DPYD: variants seen among roughly 807,000 people sequenced by gnomAD.
DPYD encodes dihydropyrimidine dehydrogenase, also known as dihydropyrimidine dehydrogenase [NADP(+)].
DPYD carries 109 observed loss-of-function variants against 116.2 expected under a neutral mutation model. That is an observed-to-expected ratio of 0.94 (90% CI 0.80 to 1.10). The LOEUF is 1.10. Ranked by LOEUF, DPYD falls within the 50% of genes least tolerant of loss-of-function variation. The probability of loss-of-function intolerance (pLI) is 0.00; values close to 1 mark genes in which losing one functional copy is unlikely to be tolerated. For synonymous variants in DPYD, 440 were observed against 432.0 expected, an observed-to-expected ratio of 1.02 and a Z score of -0.23; for missense variants, 1,302 against 1,254.5, an observed-to-expected ratio of 1.04 and a Z score of -0.57.
chr1:97,572,869 T>C (rs1442342517), intron 11 of DPYD, among the ~76,000 whole-genome samples: 1 of 152,050 alleles, frequency 6.6e-6, no homozygotes, highest in African/African-American at 2.4e-5. Context: ...TTTTCATGTA[T>C]ATATCTCTTC....
At chr1:97,914,877 C>T (rs1674139568) in intron 1 of DPYD, among the ~76,000 whole-genome samples, 1 of 152,068 alleles carries the variant, frequency 6.6e-6, no homozygotes, top group Admixed American at 6.5e-5. Flanking sequence ...CTATAATGCA[C>T]CTCTTTCATA....
intron 18 of DPYD, among the ~76,000 whole-genome samples, chr1:97,238,649 T>A (rs1317199310): frequency 6.6e-6 from 1 of 152,164 alleles, no homozygotes; most frequent in Non-Finnish European, 1.5e-5. Context: ...ATTATCGAGA[T>A]AAAGGTCTTT....
chr1:97,260,413 T>C (rs1663800356), intron 18 of DPYD, among the ~76,000 whole-genome samples: 1 of 152,026 alleles, frequency 6.6e-6, no homozygotes, highest in African/African-American at 2.4e-5. Context: ...AATATAGAGA[T>C]ATAGCCAAAA....
chr1:97,471,999 C>T lies in DPYD; in HGVS notation c.1741-21776G>A, dbSNP rs191724854. ...AGAGACAGGTTTAGAGACTTAAAGACAGGTCATATGAGAAACAGTTAAAAG... is the reference window on the plus strand; with the variant it reads ...AGAGACAGGTTTAGAGACTTAAAGATAGGTCATATGAGAAACAGTTAAAAG... On this transcript the variant is annotated intron_variant, in intron 13 of 22. Transcript: ENST00000370192. Among the ~76,000 whole-genome samples, 9 of 152,250 alleles carry T rather than the reference C, an allele frequency of 5.9e-5. No individual in the cohort carries two copies. The East Asian group carries it at 1.5e-3, about 26-fold the overall frequency.
At chr1:97,573,627 G>A in intron 11 of DPYD, 133 bp downstream of exon 11, 3 of 1,054,184 alleles carry the variant, frequency 2.8e-6, no homozygotes, top group Non-Finnish European at 1.4e-6. Flanking sequence ...TTTGAATCAA[G>A]ATTGCTTTTA....
chr1:97,096,682 G>A (rs1650271112), intron 21 of DPYD, among the ~76,000 whole-genome samples: 2 of 152,020 alleles, frequency 1.3e-5, no homozygotes, highest in African/African-American at 4.8e-5. Context: ...GAATCAGCAG[G>A]GTCCTAAAAG....
At chr1:97,136,912 G>A (rs1267811778) in intron 20 of DPYD, among the ~76,000 whole-genome samples, 5 of 152,068 alleles carry the variant, frequency 3.3e-5, no homozygotes, top group East Asian at 3.9e-4. Context: ...AGAAAGAATC[G>A]TTAAAATGGA....
chr1:97,593,339 A>T lies in DPYD; in HGVS notation c.1007T>A (p.Ile336Asn), dbSNP rs756372042. 6.2e-7 allele frequency: 1 copy of T among 1,614,014 alleles called. No individual in the cohort carries two copies. The highest frequency in any genetic ancestry group is 8.5e-7 in the Non-Finnish European group (1 of 1,180,012). ...SPLPSIRGVV[I>N]VLGAGDTAFD... ...GGCAGTGTCTCCAGCTCCAAGTACA[A>T]TCACGACTCCCCGTATCGATGGCAA... is the stretch of plus-strand genomic sequence containing the variant. The change falls in exon 10 of 23, where the codon ATT (isoleucine) becomes AAT (asparagine). Residue 336 changes from isoleucine (I) to asparagine (N), a missense_variant. Coordinates refer to ENST00000370192, the MANE Select transcript of DPYD (RefSeq NM_000110.4).
At chr1:97,411,023 A>G (rs576349962) in intron 14 of DPYD, among the ~76,000 whole-genome samples, 2 of 152,264 alleles carry the variant, frequency 1.3e-5, no homozygotes, top group African/African-American at 4.8e-5. Flanking sequence ...TTGGGTGAGG[A>G]AAGAATGGAC....
intron 9 of DPYD, 29 bp downstream of exon 9, chr1:97,595,030 T>A: frequency 6.8e-7 from 1 of 1,476,634 alleles, no homozygotes; most frequent in East Asian, 2.3e-5. Flanking sequence ...GCATACTCAC[T>A]ATTAAGCATA....
chr1:97,245,689 C>A (rs973292405), intron 18 of DPYD, among the ~76,000 whole-genome samples: 2 of 152,086 alleles, frequency 1.3e-5, no homozygotes, highest in Non-Finnish European at 2.9e-5. Flanking sequence ...TCCAGGATAA[C>A]AAGTGGGCAT....
intron 20 of DPYD, among the ~76,000 whole-genome samples, chr1:97,158,898 C>T (rs1333835269): frequency 6.6e-6 from 1 of 152,078 alleles, no homozygotes; most frequent in African/African-American, 2.4e-5. Flanking sequence ...TTGCTAACTG[C>T]AGAAGGGGCA....
At chr1:97,646,163 T>C (rs1249998426) in intron 8 of DPYD, among the ~76,000 whole-genome samples, 3 of 152,086 alleles carry the variant, frequency 2.0e-5, no homozygotes, top group Non-Finnish European at 2.9e-5. Context: ...ACAAAAATAT[T>C]TTTTGTATTA....
intron 20 of DPYD, among the ~76,000 whole-genome samples, chr1:97,099,734 T>A (rs942269917): frequency 2.0e-5 from 3 of 152,152 alleles, no homozygotes; most frequent in Admixed American, 6.6e-5. Context: ...AGTATTTTGG[T>A]GAAAAATCAC....
chr1:97,587,129 T>C (rs1654183200), intron 10 of DPYD, among the ~76,000 whole-genome samples: 1 of 152,236 alleles, frequency 6.6e-6, no homozygotes, highest in Admixed American at 6.5e-5. Context: ...CATACTACAC[T>C]GAAGTTTCAC....
chr1:97,849,890 T>A (rs928862095), intron 2 of DPYD, among the ~76,000 whole-genome samples: 1 of 152,192 alleles, frequency 6.6e-6, no homozygotes, highest in Non-Finnish European at 1.5e-5. Context: ...TCTAAACTTT[T>A]AATTTTGTGA....
chr1:97,093,460 T>G (rs938359226), intron 21 of DPYD, among the ~76,000 whole-genome samples: 20 of 152,208 alleles, frequency 1.3e-4, no homozygotes, highest in African/African-American at 4.6e-4. Context: ...TTCAAACTGT[T>G]CATTTCAAAT....
At chr1:97,760,665 G>A (rs1665524203) in intron 3 of DPYD, among the ~76,000 whole-genome samples, 2 of 152,090 alleles carry the variant, frequency 1.3e-5, no homozygotes, top group African/African-American at 4.8e-5. Flanking sequence ...CGACTATAAT[G>A]TCAAAGTACA....
chr1:97,437,981 T>C (rs541566598), intron 14 of DPYD, among the ~76,000 whole-genome samples: 1 of 152,158 alleles, frequency 6.6e-6, no homozygotes, highest in South Asian at 2.1e-4. Context: ...GCTGAAAGAC[T>C]ATATTTTGTC....
Sources: gnomAD v4.1 joint callset for allele counts (sites outside exome capture counted in the v4.1 genomes callset) on GRCh38, gnomAD v4.1.1 for gene constraint, MANE v1.5 for transcripts, NCBI Gene and HGNC (gene_info 2026-07-23, HGNC 2026-07-21) for gene names.